Variants in CTNNA3 observed in about 807,000 individuals in gnomAD.
CTNNA3 encodes catenin alpha 3.
CTNNA3 carries 76 observed loss-of-function variants against 95.7 expected under a neutral mutation model. The observed-to-expected ratio is 0.79, with a 90% CI of 0.66 to 0.96. The LOEUF is 0.96. Among genes scored for constraint, CTNNA3 ranks in the 40% least tolerant of loss-of-function variants. The probability of loss-of-function intolerance (pLI) is 0.00; values close to 1 mark genes in which losing one functional copy is unlikely to be tolerated. For synonymous variants in CTNNA3, 431 were observed against 374.4 expected (o/e 1.15, Z -1.74); for missense variants, 1,191 against 1,089.8 (o/e 1.09, Z -1.31).
At chr10:66,628,697 T>G (rs1297203334) in intron 9 of CTNNA3, among the ~76,000 whole-genome samples, 1 of 152,142 alleles carries the variant, frequency 6.6e-6, no homozygotes, top group Non-Finnish European at 1.5e-5. Flanking sequence ...ATGGTGTCTA[T>G]GCCCCTTGGA....
At chr10:67,057,587 G>A (rs916290941) in intron 7 of CTNNA3, among the ~76,000 whole-genome samples, 5 of 152,090 alleles carry the variant, frequency 3.3e-5, no homozygotes, top group African/African-American at 9.7e-5. Context: ...TGTCTCAAAT[G>A]ACAGGATATA....
At chr10:66,316,788 T>C (rs181614191) in intron 12 of CTNNA3, among the ~76,000 whole-genome samples, 1 of 152,282 alleles carries the variant, frequency 6.6e-6, no homozygotes, top group Non-Finnish European at 1.5e-5. Flanking sequence ...ATTTAACTTC[T>C]AATACTTATT....
At chr10:66,379,665 G>C (rs2092821932) in intron 11 of CTNNA3, among the ~76,000 whole-genome samples, 1 of 151,884 alleles carries the variant, frequency 6.6e-6, no homozygotes, top group Non-Finnish European at 1.5e-5. Flanking sequence ...ACAGTTTCTA[G>C]ATTAAAATGA....
intron 9 of CTNNA3, among the ~76,000 whole-genome samples, chr10:66,752,824 T>C (rs764940096): frequency 2.0e-5 from 3 of 151,984 alleles, no homozygotes; most frequent in Non-Finnish European, 4.4e-5. Flanking sequence ...ATCTTGTATA[T>C]AGAAAATCCT....
intron 17 of CTNNA3, among the ~76,000 whole-genome samples, chr10:65,931,788 C>T (rs1407698746): frequency 6.6e-6 from 1 of 152,222 alleles, no homozygotes; most frequent in Admixed American, 6.5e-5. Flanking sequence ...ATCAGCACAG[C>T]TGTCTCCTAG....
At position 67,504,333 on chromosome 10, in the gene CTNNA3, G is replaced by C. The variant is rs557387641; in HGVS notation, c.579+17509C>G. Among the ~76,000 whole-genome samples, 38 of 146,582 alleles carry C rather than the reference G, an allele frequency of 2.6e-4. 2 individuals are homozygous for C. In the South Asian group the frequency reaches 4.3e-3, roughly 17 times the overall value. On this transcript the variant is annotated intron_variant, in intron 5 of 17. Coordinates refer to ENST00000433211, the MANE Select transcript of CTNNA3 (RefSeq NM_013266.4). ...CCGGGCGTGATGGCAGGCGCCTGTA[G>C]TCCCAGCTACTCCGGAGGCTAAGGC...
rs940485280 is a variant in CTNNA3, at chr10:66,373,110, A to G, written c.1732+6042T>C. Among the ~76,000 whole-genome samples, 8 of 152,164 alleles carry G rather than the reference A, an allele frequency of 5.3e-5. No individual in the cohort carries two copies. The South Asian group carries it at 1.7e-3, about 32-fold the overall frequency. On this transcript the variant is annotated intron_variant, in intron 12 of 17. Transcript: ENST00000433211. ...ATTATTTTTTAAAAAATAAGGCTATACCAACAGTGTCACTTTAGATTACTC... is the reference window on the plus strand; with the variant it reads ...ATTATTTTTTAAAAAATAAGGCTATGCCAACAGTGTCACTTTAGATTACTC...
intron 10 of CTNNA3, among the ~76,000 whole-genome samples, chr10:66,615,895 C>A (rs954307052): frequency 3.3e-5 from 5 of 151,988 alleles, no homozygotes; most frequent in Admixed American, 3.3e-4. Flanking sequence ...TATATTTGCC[C>A]TTATTTAATT....
intron 11 of CTNNA3, among the ~76,000 whole-genome samples, chr10:66,498,957 G>C (rs961280114): frequency 1.8e-4 from 28 of 152,100 alleles, no homozygotes; most frequent in Admixed American, 9.8e-4. Context: ...AAGTTTATTT[G>C]AGTAAAACAG....
rs71035152 is a variant in CTNNA3 at position 66,536,136 on chromosome 10, TGA to T, written c.1375-15365_1375-15364del. ...TTCAGTACCAGGAGGTGAAACGACA[TGA>T]GAGAGAGAGAGAGAGAGAGAGAGAC... On this transcript the variant is annotated intron_variant, in intron 10 of 17. Coordinates refer to ENST00000433211, the MANE Select transcript of CTNNA3 (RefSeq NM_013266.4). 5.6e-3 allele frequency among the ~76,000 whole-genome samples: 811 copies of T among 143,696 alleles called. 7 individuals carry two copies. Among genetic ancestry groups the T allele is most frequent in the South Asian group, 0.027 (120 of 4,364 alleles). The allele number at this position is 143,696 out of a possible 152,430, so 94.3% of individuals were successfully genotyped here. A position where few individuals can be genotyped will look rare whatever the true frequency, so the allele number is the denominator to read the frequency against.
chr10:67,122,668 T>C (rs1859529497), intron 7 of CTNNA3, among the ~76,000 whole-genome samples: 1 of 152,114 alleles, frequency 6.6e-6, no homozygotes, highest in Non-Finnish European at 1.5e-5. Flanking sequence ...GATTATTTGT[T>C]TCCAGATTTA....
Position 66,301,895 on chromosome 10 carries a change from A to C in CTNNA3, c.1733-21274T>G, listed in dbSNP as rs374630038. ...CATTCAGACTTGGAAGGAAGATTAA[A>C]AATCTCTTTGTAGATGACACGATTG... On this transcript the variant is annotated intron_variant, in intron 12 of 17. Transcript: ENST00000433211. Among the ~76,000 whole-genome samples the C allele has an allele frequency of 7.2e-5, 11 of 152,062 alleles. No individual in the cohort carries two copies. In the East Asian group the frequency reaches 9.6e-4, roughly 13 times the overall value.
chr10:66,322,323 C>A (rs948681268), intron 12 of CTNNA3, among the ~76,000 whole-genome samples: 1 of 152,044 alleles, frequency 6.6e-6, no homozygotes, highest in Non-Finnish European at 1.5e-5. Context: ...ACTGTGTTTG[C>A]AATGAGGAGT....
At chr10:66,928,225 G>A in intron 7 of CTNNA3, 1 of 1,614,122 alleles carries the variant, frequency 6.2e-7, no homozygotes, top group Admixed American at 1.7e-5. Context: ...CATCCTGCTG[G>A]TTATCTACGT....
intron 13 of CTNNA3, among the ~76,000 whole-genome samples, chr10:66,156,555 A>ATGG (rs1004234230): frequency 2.0e-5 from 3 of 151,928 alleles, no homozygotes; most frequent in African/African-American, 7.2e-5. Flanking sequence ...TCTCTTCAAG[A>ATGG]TGTTTGCAAT....
chr10:66,040,706 C>A (rs2079668629), intron 15 of CTNNA3, among the ~76,000 whole-genome samples: 1 of 152,002 alleles, frequency 6.6e-6, no homozygotes, highest in South Asian at 2.1e-4. Context: ...AGGGGCACAA[C>A]AGACACTGGC....
At chr10:67,338,087 G>A (rs1215641189) in intron 5 of CTNNA3, among the ~76,000 whole-genome samples, 3 of 152,192 alleles carry the variant, frequency 2.0e-5, no homozygotes, top group South Asian at 4.1e-4. Flanking sequence ...GAGCCAGATT[G>A]TGTTAGGCTA....
At chr10:66,539,372 A>G (rs954817546) in intron 10 of CTNNA3, among the ~76,000 whole-genome samples, 1 of 152,132 alleles carries the variant, frequency 6.6e-6, no homozygotes, top group African/African-American at 2.4e-5. Context: ...AGAGAAAAAG[A>G]GAGTAAAGGA....
intron 9 of CTNNA3, among the ~76,000 whole-genome samples, chr10:66,693,863 T>G (rs1489261754): frequency 6.6e-6 from 1 of 151,992 alleles, no homozygotes; most frequent in Non-Finnish European, 1.5e-5. Context: ...GAATGACTAC[T>G]GGGTACATAA....
Sources: gnomAD v4.1 joint callset for allele counts (sites outside exome capture counted in the v4.1 genomes callset) on GRCh38, gnomAD v4.1.1 for gene constraint, MANE v1.5 for transcripts, NCBI Gene and HGNC (gene_info 2026-07-23, HGNC 2026-07-21) for gene names.